KCNE1: variants seen among roughly 807,000 people sequenced by gnomAD.
The protein encoded by KCNE1 is potassium voltage-gated channel subfamily E regulatory subunit 1, also known as potassium voltage-gated channel subfamily E member 1.
In KCNE1, 1 loss-of-function variant was observed where a neutral mutation model predicts 2.9. That is an observed-to-expected ratio of 0.34 (90% confidence interval 0.12 to 1.62). KCNE1 has a LOEUF of 1.62. Ranked by LOEUF, KCNE1 falls within the 40% of genes most tolerant of loss-of-function variation. The pLI is 0.36. For synonymous variants in KCNE1, 23 were observed against 65.4 expected (o/e 0.35, Z 3.13); for missense variants, 45 against 150.5 (o/e 0.30, Z 3.67).
chr21:34,497,446 A>G (rs1374446859), intron 2 of KCNE1, among the ~76,000 whole-genome samples: 2 of 152,060 alleles, frequency 1.3e-5, no homozygotes, highest in African/African-American at 2.4e-5. Flanking sequence ...ATGAAGCTTA[A>G]TTTTCCTGGA....
chr21:34,511,797 G>A lies in KCNE1; in HGVS notation c.-377+230C>T, dbSNP rs140643652. Reference sequence around the variant, plus strand: ...GGGGCATGATGGGGCTCTTCACCACGCTGCCCTCATTTTAGGAGGTGGGCA... The same window carrying A: ...GGGGCATGATGGGGCTCTTCACCACACTGCCCTCATTTTAGGAGGTGGGCA... On this transcript the variant is annotated intron_variant, in intron 1 of 3. Transcript: ENST00000399286. 3.2e-3 allele frequency among the ~76,000 whole-genome samples: 480 copies of A among 152,262 alleles called. 8 individuals carry two copies. Among genetic ancestry groups the A allele is most frequent in the South Asian group, 8.1e-3 (39 of 4,830 alleles).
intron 2 of KCNE1, among the ~76,000 whole-genome samples, chr21:34,506,876 C>A (rs1419123938): frequency 2.0e-5 from 3 of 152,094 alleles, no homozygotes; most frequent in Non-Finnish European, 2.9e-5. Context: ...CAAAGCTTCC[C>A]AAAGGACACG....
chr21:34,505,145 T>A (rs1242320602), intron 2 of KCNE1, among the ~76,000 whole-genome samples: 1 of 152,208 alleles, frequency 6.6e-6, no homozygotes, highest in South Asian at 2.1e-4. Context: ...ATTTATTTAT[T>A]TATTTTGAGA....
At position 34,499,063 on chromosome 21, in the gene KCNE1, G is replaced by T. The variant is rs150016269; in HGVS notation, c.-162+12038C>A. Among the ~76,000 whole-genome samples the T allele has an allele frequency of 3.3e-4, 50 of 152,316 alleles. 1 individual carries two copies. In the East Asian group the frequency reaches 9.5e-3, roughly 29 times the overall value. ...TGGGCTCAGACTCTCCTTGAGCAAGGCTTGCCACAGCCACTGTCGGGGGTG... is the reference window on the plus strand; with the variant it reads ...TGGGCTCAGACTCTCCTTGAGCAAGTCTTGCCACAGCCACTGTCGGGGGTG... On this transcript the variant is annotated intron_variant, in intron 2 of 3. Transcript: ENST00000399286.
In KCNE1 at chr21:34,511,323, T is replaced by A. The variant is rs148689557; in HGVS notation, c.-376-8A>T. 1.9e-4 allele frequency: 190 copies of A among 985,530 alleles called. No homozygotes were observed. The African/African-American group carries it at 3.2e-3, about 17-fold the overall frequency. The allele number at this position is 985,530 out of a possible 1,614,324, so 61.0% of individuals were successfully genotyped here. A position where few individuals can be genotyped will look rare whatever the true frequency, so the allele number is the denominator to read the frequency against. On this transcript the variant is annotated splice_polypyrimidine_tract_variant and splice_region_variant and intron_variant, in intron 1 of 3. Coordinates refer to ENST00000399286, the MANE Select transcript of KCNE1 (RefSeq NM_000219.6). Reference sequence around the variant, plus strand: ...TTGTCTGTTTGGTGGTTGCTAAGGTTTGAAAAAAGCCAGCTGGAAACTTAA... The same window carrying A: ...TTGTCTGTTTGGTGGTTGCTAAGGTATGAAAAAAGCCAGCTGGAAACTTAA...
At chr21:34,509,418 C>T in intron 2 of KCNE1, 1 of 152,310 alleles carries the variant, frequency 6.6e-6, no homozygotes, top group Non-Finnish European at 1.5e-5. Context: ...CTGATTGAGT[C>T]AGGCCCATCA....
At chr21:34,507,240 A>G (rs1983549574) in intron 2 of KCNE1, among the ~76,000 whole-genome samples, 1 of 152,090 alleles carries the variant, frequency 6.6e-6, no homozygotes, top group African/African-American at 2.4e-5. Flanking sequence ...GTATGAGAGT[A>G]TTTCCTAAAG....
intron 2 of KCNE1, among the ~76,000 whole-genome samples, chr21:34,500,389 T>C (rs947053336): frequency 6.6e-6 from 1 of 152,260 alleles, no homozygotes; most frequent in Non-Finnish European, 1.5e-5. Context: ...GTGCCACGTT[T>C]GACAGTTTCT....
chr21:34,507,313 AC>A (rs77911521), intron 2 of KCNE1, among the ~76,000 whole-genome samples: 3 of 152,078 alleles, frequency 2.0e-5, no homozygotes, highest in Non-Finnish European at 4.4e-5. Context: ...GACAGGAGAC[AC>A]CTTTTATGGC....
At chr21:34,510,071 G>C (rs1408697415) in intron 2 of KCNE1, 2 of 152,224 alleles carry the variant, frequency 1.3e-5, no homozygotes, top group African/African-American at 2.4e-5. Context: ...CGAGTGCTGA[G>C]CCGTTGTAGG....
At chr21:34,506,507 A>T (rs1330181761) in intron 2 of KCNE1, among the ~76,000 whole-genome samples, 1 of 152,066 alleles carries the variant, frequency 6.6e-6, no homozygotes, top group Non-Finnish European at 1.5e-5. Context: ...TGCGTCACCC[A>T]CTTTGCCTTA....
chr21:34,449,153 TG>T lies in KCNE1; in HGVS notation c.*91del, dbSNP rs748419617. The T allele has an allele frequency of 1.2e-4, 60 of 506,896 alleles. 6 individuals carry two copies. Among genetic ancestry groups the T allele is most frequent in the Admixed American group, 2.9e-4 (10 of 34,518 alleles). The allele number at this position is 506,896 out of a possible 1,614,324, so 31.4% of individuals were successfully genotyped here. A position where few individuals can be genotyped will look rare whatever the true frequency, so the allele number is the denominator to read the frequency against. On this transcript the variant is annotated 3_prime_UTR_variant, in exon 4 of 4. Transcript: ENST00000399286. ...TTACAACAGCCAAAAAGAAATCCAG[TG>T]GTATCCATCACAATAAAGAGTATGA...
At chr21:34,450,013 T>C (rs1235637137) in intron 3 of KCNE1, among the ~76,000 whole-genome samples, 1 of 91,604 alleles carries the variant, frequency 1.1e-5, no homozygotes, top group Non-Finnish European at 2.5e-5. Flanking sequence ...TATCAGGTCA[T>C]CCAACTCATT....
At chr21:34,504,896 G>T (rs1425924824) in intron 2 of KCNE1, among the ~76,000 whole-genome samples, 2 of 152,180 alleles carry the variant, frequency 1.3e-5, no homozygotes, top group African/African-American at 2.4e-5. Flanking sequence ...GGCTCAGCTT[G>T]CGAGGTGGGG....
At chr21:34,508,136 C>T (rs1049333548) in intron 2 of KCNE1, among the ~76,000 whole-genome samples, 20 of 151,870 alleles carry the variant, frequency 1.3e-4, no homozygotes, top group Non-Finnish European at 2.4e-4. Context: ...AAGCAATTCT[C>T]CCACCTCAGC....
intron 2 of KCNE1, among the ~76,000 whole-genome samples, chr21:34,506,979 C>T (rs79565233): frequency 1.6e-4 from 24 of 152,334 alleles, no homozygotes; most frequent in Admixed American, 3.9e-4. Context: ...ACGCATGGCA[C>T]ACCCAGAGAA....
At chr21:34,510,020 A>C in intron 2 of KCNE1, 1 of 152,174 alleles carries the variant, frequency 6.6e-6, no homozygotes, top group East Asian at 1.9e-4. Context: ...AATTTTTCCT[A>C]TAAAGGAACG....
In KCNE1 at chr21:34,500,311, T is replaced by C. The variant is rs546023503; in HGVS notation, c.-162+10790A>G. Among the ~76,000 whole-genome samples, 3 of 152,210 alleles carry C rather than the reference T, an allele frequency of 2.0e-5. No individual in the cohort carries two copies. In the East Asian group the frequency reaches 5.8e-4, roughly 29 times the overall value. The stretch of plus-strand genomic sequence containing the variant: ...GCTTTGTTACAAACAATAAATCCAG[T>C]AAGGGCAAAGCTTATTTGTAACACT... On this transcript the variant is annotated intron_variant, in intron 2 of 3. Coordinates refer to ENST00000399286, the MANE Select transcript of KCNE1 (RefSeq NM_000219.6).
rs1601100798 is a variant in KCNE1 at position 34,503,424 on chromosome 21, A to C, written c.-162+7677T>G. Among the ~76,000 whole-genome samples the C allele has an allele frequency of 3.9e-5, 6 of 152,084 alleles. No homozygotes were observed. In the East Asian group the frequency reaches 1.2e-3, roughly 29 times the overall value. On this transcript the variant is annotated intron_variant, in intron 2 of 3. Transcript: ENST00000399286. Reference sequence around the variant, plus strand: ...TGTTCAGCTGTCCAGAGCTCCCAAAACTCAGCCCTTTTGGGTTTTTATGGA... The same window carrying C: ...TGTTCAGCTGTCCAGAGCTCCCAAACCTCAGCCCTTTTGGGTTTTTATGGA...
Sources: gnomAD v4.1 joint callset for allele counts (sites outside exome capture counted in the v4.1 genomes callset) on GRCh38, gnomAD v4.1.1 for gene constraint, MANE v1.5 for transcripts, NCBI Gene and HGNC (gene_info 2026-07-23, HGNC 2026-07-21) for gene names.